Variants in CCDC73 observed in about 807,000 individuals in gnomAD.
CCDC73 encodes coiled-coil domain containing 73.
A neutral mutation model predicts 116.5 loss-of-function variants in CCDC73; 95 were observed. The ratio of observed to expected loss-of-function variants is 0.82; its 90% CI spans 0.69 to 0.97. CCDC73 has a LOEUF of 0.97. Ranked by LOEUF, CCDC73 falls within the 50% of genes least tolerant of loss-of-function variation. The pLI is 0.00. For missense variants in CCDC73, 1,066 were observed against 1,206.8 expected (o/e 0.88, Z 1.73); for synonymous variants, 398 against 401.3 (o/e 0.99, Z 0.10).
intron 6 of CCDC73, among the ~76,000 whole-genome samples, chr11:32,691,181 G>A (rs1856254752): frequency 6.6e-6 from 1 of 151,564 alleles, no homozygotes; most frequent in African/African-American, 2.4e-5. Flanking sequence ...AGTAGTTGGG[G>A]CTACAGGCAC....
chr11:32,737,273 G>GTT (rs1341655491), intron 2 of CCDC73, among the ~76,000 whole-genome samples: 1 of 131,644 alleles, frequency 7.6e-6, no homozygotes, highest in African/African-American at 2.9e-5. Context: ...GTGTGTGTGT[G>GTT]TATATACATG....
chr11:32,702,736 AT>A, intron 4 of CCDC73, 136 bp downstream of exon 4: 2 of 679,406 alleles, frequency 2.9e-6, no homozygotes, highest in Non-Finnish European at 5.3e-6. Context: ...GATTTTATTC[AT>A]TTCCTACTTC....
chr11:32,822,695 G>A, the CCDC73 span, among the ~76,000 whole-genome samples: 1 of 151,068 alleles, frequency 6.6e-6, no homozygotes, highest in Non-Finnish European at 1.5e-5. Context: ...CTTAGGGAAA[G>A]AAAACAAGAA....
intron 14 of CCDC73, among the ~76,000 whole-genome samples, chr11:32,626,069 G>A (rs10835953): frequency 0.72 from 105,202 of 145,208 alleles, 39,121 homozygotes; most frequent in African/African-American, 0.77. Flanking sequence ...ATGATTGTAT[G>A]TCTAGAAAAC....
intron 3 of CCDC73, among the ~76,000 whole-genome samples, chr11:32,705,076 G>A (rs569267751): frequency 2.6e-4 from 39 of 152,306 alleles, no homozygotes; most frequent in East Asian, 7.7e-4. Context: ...GGGCTGTAAC[G>A]CTATAGCTCT....
At chr11:32,628,166 A>G (rs1460671982) in intron 14 of CCDC73, among the ~76,000 whole-genome samples, 1 of 152,222 alleles carries the variant, frequency 6.6e-6, no homozygotes, top group Non-Finnish European at 1.5e-5. Context: ...ACAATGAACT[A>G]CAAACAGGGA....
chr11:32,758,646 G>GA (rs148824858), intron 2 of CCDC73: 7,148 of 239,650 alleles, frequency 0.03, 2 homozygotes, highest in South Asian at 0.06. Flanking sequence ...GGTAATAAAA[G>GA]AAAAAAAAAA....
chr11:32,812,263 C>T, the CCDC73 span, among the ~76,000 whole-genome samples: 1,317 of 152,262 alleles, frequency 8.6e-3, 6 homozygotes, highest in Non-Finnish European at 0.014. Flanking sequence ...TGCGGTGGCT[C>T]ACGCCTAGCA....
At chr11:32,660,666 AAAC>A (rs1487472562) in intron 9 of CCDC73, among the ~76,000 whole-genome samples, 1 of 151,964 alleles carries the variant, frequency 6.6e-6, no homozygotes, top group African/African-American at 2.4e-5. Context: ...CTCTAAAAAA[AAAC>A]AAAAATTAGT....
intron 14 of CCDC73, among the ~76,000 whole-genome samples, chr11:32,634,902 A>G (rs1485150038): frequency 1.3e-5 from 2 of 152,190 alleles, no homozygotes; most frequent in South Asian, 2.1e-4. Context: ...TGGGAGCATC[A>G]CTTGAGCCCA....
intron 2 of CCDC73, among the ~76,000 whole-genome samples, chr11:32,724,401 G>A (rs555987307): frequency 1.3e-5 from 2 of 152,230 alleles, no homozygotes; most frequent in African/African-American, 4.8e-5. Flanking sequence ...CATGGCATGT[G>A]ATGCCCATTA....
intron 12 of CCDC73, among the ~76,000 whole-genome samples, chr11:32,647,023 T>C (rs1353155019): frequency 6.6e-6 from 1 of 152,242 alleles, no homozygotes; most frequent in South Asian, 2.1e-4. Context: ...CTAAACATAC[T>C]TTCTTAGTTT....
intron 14 of CCDC73, among the ~76,000 whole-genome samples, chr11:32,629,699 T>A (rs1000442613): frequency 7.5e-6 from 1 of 132,874 alleles, no homozygotes; most frequent in Admixed American, 8.4e-5. Context: ...CCAGCCGATA[T>A]AAAGACACTT....
chr11:32,724,777 G>A (rs1290128919), intron 2 of CCDC73, among the ~76,000 whole-genome samples: 2 of 152,028 alleles, frequency 1.3e-5, no homozygotes, highest in East Asian at 1.9e-4. Flanking sequence ...CATCACATGC[G>A]AACTGCCTGA....
At chr11:32,717,901 A>G (rs941586003) in intron 3 of CCDC73, among the ~76,000 whole-genome samples, 175 bp downstream of exon 3, 4 of 152,184 alleles carry the variant, frequency 2.6e-5, no homozygotes, top group Non-Finnish European at 5.9e-5. Flanking sequence ...AAGAGGGAAG[A>G]GCCCCTTATA....
At chr11:32,700,669 C>T in intron 5 of CCDC73, 122 bp downstream of exon 5, 3 of 503,124 alleles carry the variant, frequency 6.0e-6, no homozygotes. Context: ...TAGTTTGTTA[C>T]TAATGCTCTT....
chr11:32,683,604 A>T, intron 6 of CCDC73, 30 bp from the exon 7 acceptor site: 1 of 1,279,752 alleles, frequency 7.8e-7, no homozygotes, highest in Non-Finnish European at 1.1e-6. Context: ...AAATCTCATT[A>T]AAATACTTTA....
chr11:32,815,925 G>A, the CCDC73 span, among the ~76,000 whole-genome samples: 173 of 152,290 alleles, frequency 1.1e-3, no homozygotes, highest in African/African-American at 4.0e-3. Context: ...CTTCTGGAGT[G>A]GGGTAAGGAA....
upstream of CCDC73, among the ~76,000 whole-genome samples, chr11:32,795,267 G>A (rs151300242): frequency 7.2e-3 from 1,095 of 152,046 alleles, 15 homozygotes; most frequent in African/African-American, 0.025. Context: ...TCAGGAGTTC[G>A]ATACCAGCCT....
Sources: gnomAD v4.1 joint callset for allele counts (sites outside exome capture counted in the v4.1 genomes callset) on GRCh38, gnomAD v4.1.1 for gene constraint, MANE v1.5 for transcripts, NCBI Gene and HGNC (gene_info 2026-07-23, HGNC 2026-07-21) for gene names.